Variants in EIF4E1B observed in about 807,000 individuals in gnomAD.
EIF4E1B encodes the protein eukaryotic translation initiation factor 4E family member 1B, also known as eukaryotic translation initiation factor 4E type 1B.
EIF4E1B carries 22 observed loss-of-function variants against 31.3 expected under a neutral mutation model. That is an observed-to-expected ratio of 0.70 (90% confidence interval 0.50 to 1.00). EIF4E1B has a LOEUF of 1.00. EIF4E1B is among the 50% of genes least tolerant of loss of function. EIF4E1B has a pLI of 0.00. For synonymous variants in EIF4E1B, 126 were observed against 120.2 expected, an observed-to-expected ratio of 1.05 and a Z score of -0.31; for missense variants, 290 against 311.6, an observed-to-expected ratio of 0.93 and a Z score of 0.52.
At chr5:176,641,047 C>T (rs1434507287) in intron 1 of EIF4E1B, among the ~76,000 whole-genome samples, 2 of 152,202 alleles carry the variant, frequency 1.3e-5, no homozygotes, top group Non-Finnish European at 2.9e-5. Context: ...GGGCCTGGCG[C>T]TTTGGGTCAC....
chr5:176,640,888 C>T (rs1000308166), intron 1 of EIF4E1B, among the ~76,000 whole-genome samples: 1 of 152,234 alleles, frequency 6.6e-6, no homozygotes, highest in African/African-American at 2.4e-5. Context: ...ATGCCCTCCC[C>T]GACCCAGTTA....
chr5:176,646,064 C>A lies in EIF4E1B; in HGVS notation c.*84C>A. On this transcript the variant is annotated 3_prime_UTR_variant, in exon 9 of 9. Coordinates refer to ENST00000318682, the MANE Select transcript of EIF4E1B (RefSeq NM_001099408.2). ...TGGGGGATGGGGCGGGACTGGGGAT[C>A]AGACAGCCTAGTTCTTACCTGTCCT... 1 of 1,200,928 alleles carries A rather than the reference C, an allele frequency of 8.3e-7. No homozygotes were observed. Among genetic ancestry groups the A allele is most frequent in the Non-Finnish European group, 1.2e-6 (1 of 838,302 alleles). The allele number at this position is 1,200,928 out of a possible 1,614,324, so 74.4% of individuals were successfully genotyped here.
At chr5:176,644,498 A>G in intron 6 of EIF4E1B, 59 bp downstream of exon 6, 1 of 1,378,488 alleles carries the variant, frequency 7.3e-7, no homozygotes, top group Non-Finnish European at 9.6e-7. Flanking sequence ...TCCCTCCCGG[A>G]CTCCACTGCG....
At chr5:176,639,481 C>G (rs1165290281) in intron 1 of EIF4E1B, among the ~76,000 whole-genome samples, 1 of 152,154 alleles carries the variant, frequency 6.6e-6, no homozygotes, top group Non-Finnish European at 1.5e-5. Flanking sequence ...GGAGCTTCCC[C>G]AGGCTGGAAG....
chr5:176,640,639 A>C (rs1463696575), intron 1 of EIF4E1B, among the ~76,000 whole-genome samples: 3 of 152,212 alleles, frequency 2.0e-5, no homozygotes, highest in Non-Finnish European at 4.4e-5. Context: ...TCTTGCAGCC[A>C]CAGGGTTCTG....
intron 4 of EIF4E1B, 113 bp downstream of exon 4, chr5:176,643,379 G>A: frequency 1.5e-6 from 2 of 1,336,008 alleles, no homozygotes; most frequent in Non-Finnish European, 2.0e-6. Context: ...TTCATCCGTG[G>A]GAGGCCAGGG....
In EIF4E1B at chr5:176,645,337, T is replaced by G; in HGVS notation, c.475-40T>G. The G allele has an allele frequency of 6.5e-7, 1 of 1,547,818 alleles. No individual in the cohort carries two copies. The highest frequency in any genetic ancestry group is 8.7e-7 in the Non-Finnish European group (1 of 1,143,570). Reference sequence around the variant, plus strand: ...CAAGGATGGCAGGCCAGTCCCTATGTCCCAGCCGGTGATCTCACAACCCCC... The same window carrying G: ...CAAGGATGGCAGGCCAGTCCCTATGGCCCAGCCGGTGATCTCACAACCCCC... On this transcript the variant is annotated intron_variant, in intron 7 of 8. Coordinates refer to ENST00000318682, the MANE Select transcript of EIF4E1B (RefSeq NM_001099408.2). The surrounding 1 kb of genome is among the most constrained non-coding windows in gnomAD (Gnocchi z 5.4).
chr5:176,632,577 A>C (rs886720013), intron 1 of EIF4E1B, among the ~76,000 whole-genome samples: 1 of 152,204 alleles, frequency 6.6e-6, no homozygotes, highest in African/African-American at 2.4e-5. Flanking sequence ...ATAATTTCTG[A>C]GAAAACTGTT....
chr5:176,637,221 C>G (rs1333311092), intron 1 of EIF4E1B, among the ~76,000 whole-genome samples: 3 of 152,162 alleles, frequency 2.0e-5, no homozygotes, highest in Non-Finnish European at 4.4e-5. Flanking sequence ...GGCGGATCAC[C>G]TGCGGTCACG....
chr5:176,643,634 A>G lies in EIF4E1B; in HGVS notation c.201-5A>G. The G allele has an allele frequency of 6.2e-7, 1 of 1,601,848 alleles. No individual in the cohort carries two copies. Among genetic ancestry groups the G allele is most frequent in the Non-Finnish European group, 8.5e-7 (1 of 1,174,282 alleles). On this transcript the variant is annotated splice_polypyrimidine_tract_variant and splice_region_variant and intron_variant, in intron 4 of 8. Coordinates refer to ENST00000318682, the MANE Select transcript of EIF4E1B (RefSeq NM_001099408.2). ...CTCCTGGCTGCCTCCCCCTTCCCCT[A>G]CCAGGTGGGCTCTGTGGTTCTTCAA... is the stretch of plus-strand genomic sequence containing the variant.
rs996285807 is a variant in EIF4E1B at position 176,645,624 on chromosome 5, C to G, written c.614+108C>G. 1 of 1,398,550 alleles carries G rather than the reference C, an allele frequency of 7.2e-7. No homozygotes were observed. The highest frequency in any genetic ancestry group is 1.4e-5 in the African/African-American group (1 of 69,118). The allele number at this position is 1,398,550 out of a possible 1,614,324, so 86.6% of individuals were successfully genotyped here. A position where few individuals can be genotyped will look rare whatever the true frequency, so the allele number is the denominator to read the frequency against. On this transcript the variant is annotated intron_variant, in intron 8 of 8. Transcript: ENST00000318682. The surrounding 1 kb of genome is among the most constrained non-coding windows in gnomAD (Gnocchi z 5.4). Reference sequence around the variant, plus strand: ...AGACCTCTGAAAGTCTCCATAGCCTCCCTCCCTTCTGCCTTGCCCACCTGT... The same window carrying G: ...AGACCTCTGAAAGTCTCCATAGCCTGCCTCCCTTCTGCCTTGCCCACCTGT...
In EIF4E1B at chr5:176,645,546, A is replaced by G. The variant is rs781226787; in HGVS notation, c.614+30A>G. 20 of 1,500,186 alleles carry G rather than the reference A, an allele frequency of 1.3e-5. No homozygotes were observed. In the Middle Eastern group the frequency reaches 6.3e-4, roughly 47 times the overall value. 92.9% of individuals were successfully genotyped at this position (1,500,186 alleles called of 1,614,324 possible). On this transcript the variant is annotated intron_variant, in intron 8 of 8. Coordinates refer to ENST00000318682, the MANE Select transcript of EIF4E1B (RefSeq NM_001099408.2). This position sits in a 1 kb window ranked among gnomAD's most constrained non-coding sequence, Gnocchi z 5.4. ...GGAGGGTCTCTGGCACAGGGTGGGG[A>G]CTTGGGTCTCTGCTAGAGGGAAGGT...
intron 1 of EIF4E1B, 45 bp downstream of exon 1, chr5:176,631,109 G>A (rs941862623): frequency 1.3e-5 from 2 of 152,360 alleles, no homozygotes; most frequent in African/African-American, 4.8e-5. Context: ...GACTAGAGGA[G>A]GGGTGCTTGA....
rs56115420 is a variant in EIF4E1B, at chr5:176,642,865, C to CCCGG, written c.15+63_15+64insCCGG. On this transcript the variant is annotated intron_variant, in intron 3 of 8. Coordinates refer to ENST00000318682, the MANE Select transcript of EIF4E1B (RefSeq NM_001099408.2). ...GCCCCGCCCTCTCCCCCCCCCCCCC[C>CCCGG]GCCCCAGGTGGGCGGGGCAGGTGCT... 3.9e-5 allele frequency: 46 copies of CCCGG among 1,169,708 alleles called. 1 individual carries two copies. Among genetic ancestry groups the CCCGG allele is most frequent in the East Asian group, 4.7e-5 (1 of 21,296 alleles). The allele number at this position is 1,169,708 out of a possible 1,614,324, so 72.5% of individuals were successfully genotyped here.
At chr5:176,643,867 G>A (rs556468449) in intron 5 of EIF4E1B, 133 bp downstream of exon 5, 5 of 907,444 alleles carry the variant, frequency 5.5e-6, no homozygotes, top group Middle Eastern at 3.2e-4. Context: ...TTCTGCCCAG[G>A]GGGTATAGGG....
In EIF4E1B at chr5:176,643,375, C is replaced by T. The variant is rs191363969; in HGVS notation, c.200+109C>T. ...CCTCTCTTGGCCCTAGCTCTTCATC[C>T]GTGGGAGGCCAGGGCTGACCTAAGC... On this transcript the variant is annotated intron_variant, in intron 4 of 8. Transcript: ENST00000318682. The T allele has an allele frequency of 2.1e-5, 29 of 1,350,654 alleles. No homozygotes were observed. In the Admixed American group the frequency reaches 3.5e-4, roughly 17 times the overall value. The allele number at this position is 1,350,654 out of a possible 1,614,324, so 83.7% of individuals were successfully genotyped here. A position where few individuals can be genotyped will look rare whatever the true frequency, so the allele number is the denominator to read the frequency against.
At chr5:176,644,214 T>G in intron 5 of EIF4E1B, 162 bp from the exon 6 acceptor site, 21 of 732,852 alleles carry the variant, frequency 2.9e-5, no homozygotes, top group Non-Finnish European at 3.8e-5. Flanking sequence ...AGGTGGGTCT[T>G]GAGAGTTTGG....
intron 1 of EIF4E1B, among the ~76,000 whole-genome samples, chr5:176,633,305 C>T (rs1760438876): frequency 6.6e-6 from 1 of 152,154 alleles, no homozygotes; most frequent in South Asian, 2.1e-4. Flanking sequence ...TCAATCATAG[C>T]TTACTGCAGC....
chr5:176,635,082 G>A lies in EIF4E1B; in HGVS notation c.-202+4018G>A, dbSNP rs562857841. On this transcript the variant is annotated intron_variant, in intron 1 of 8. Transcript: ENST00000318682. ...TGGAGCCATAGGGCTGAGTGTGATC[G>A]TCCGGGGGTGCACGGAGAGTGAAAA... 4.3e-3 allele frequency among the ~76,000 whole-genome samples: 661 copies of A among 152,170 alleles called. 6 individuals are homozygous for A. The highest frequency in any genetic ancestry group is 0.015 in the African/African-American group (629 of 41,502).
Sources: gnomAD v4.1 joint callset for allele counts (sites outside exome capture counted in the v4.1 genomes callset) on GRCh38, gnomAD v4.1.1 for gene constraint, Gnocchi (gnomAD v3.1) non-coding constraint, MANE v1.5 for transcripts, NCBI Gene and HGNC (gene_info 2026-07-23, HGNC 2026-07-21) for gene names.